Variants in HSD17B12 observed in about 807,000 individuals in gnomAD.
HSD17B12 encodes the protein hydroxysteroid 17-beta dehydrogenase 12, also known as very-long-chain 3-oxoacyl-CoA reductase.
In HSD17B12, 32 loss-of-function variants were observed where a neutral mutation model predicts 39.3. That is an observed-to-expected ratio of 0.81 (90% CI 0.61 to 1.09). The LOEUF (loss-of-function observed/expected upper bound fraction) is 1.09, where lower values mean the gene tolerates loss of function less well. Ranked by LOEUF, HSD17B12 falls within the 50% of genes least tolerant of loss-of-function variation. HSD17B12 has a pLI of 0.00. For synonymous variants in HSD17B12, 150 were observed against 146.7 expected (o/e 1.02, Z -0.16); for missense variants, 342 against 382.9 (o/e 0.89, Z 0.89).
chr11:43,598,406 T>A, the HSD17B12 span, among the ~76,000 whole-genome samples: 1 of 151,524 alleles, frequency 6.6e-6, no homozygotes, highest in Non-Finnish European at 1.5e-5. Context: ...AGCTGGGGTA[T>A]TTTTTTTTCC....
At chr11:43,653,556 C>T in the HSD17B12 span, among the ~76,000 whole-genome samples, 1 of 152,076 alleles carries the variant, frequency 6.6e-6, no homozygotes, top group Non-Finnish European at 1.5e-5. Flanking sequence ...TCCCCCTCCC[C>T]CACCTCACAA....
chr11:43,735,795 C>T (rs1950311029), intron 1 of HSD17B12, among the ~76,000 whole-genome samples: 1 of 152,102 alleles, frequency 6.6e-6, no homozygotes, highest in East Asian at 1.9e-4. Context: ...TTCTGCATGG[C>T]TGGGGAGGCC....
At chr11:43,817,613 C>G (rs1486419378) in intron 6 of HSD17B12, among the ~76,000 whole-genome samples, 1 of 152,100 alleles carries the variant, frequency 6.6e-6, no homozygotes, top group Non-Finnish European at 1.5e-5. Context: ...TGTCCTTTCT[C>G]CACTTTATGT....
chr11:43,815,112 A>G (rs1951109647), intron 4 of HSD17B12, among the ~76,000 whole-genome samples: 1 of 152,216 alleles, frequency 6.6e-6, no homozygotes, highest in Non-Finnish European at 1.5e-5. Flanking sequence ...GGTCTGGAGA[A>G]GAGTTAAGTA....
At chr11:43,853,317 C>T (rs974565114) in intron 9 of HSD17B12, 2 of 124,890 alleles carry the variant, frequency 1.6e-5, no homozygotes, top group Non-Finnish European at 3.2e-5. Context: ...AGCTTGGGGA[C>T]TCTCGCTGAG....
chr11:43,570,631 C>T, the HSD17B12 span, among the ~76,000 whole-genome samples: 3 of 152,134 alleles, frequency 2.0e-5, no homozygotes, highest in Admixed American at 2.0e-4. Flanking sequence ...GGGATCCTAG[C>T]CCAGACATAG....
At chr11:43,750,189 A>T (rs1950451974) in intron 1 of HSD17B12, among the ~76,000 whole-genome samples, 1 of 151,898 alleles carries the variant, frequency 6.6e-6, no homozygotes, top group Admixed American at 6.6e-5. Context: ...AAGATACAGA[A>T]TATTTCCTGT....
At chr11:43,730,711 C>G (rs991914216) in intron 1 of HSD17B12, among the ~76,000 whole-genome samples, 19 of 152,126 alleles carry the variant, frequency 1.2e-4, no homozygotes, top group African/African-American at 3.9e-4. Flanking sequence ...CTTGATTTCT[C>G]CTAGGTGTAA....
chr11:43,653,493 T>A, the HSD17B12 span, among the ~76,000 whole-genome samples: 1 of 152,178 alleles, frequency 6.6e-6, no homozygotes, highest in East Asian at 1.9e-4. Flanking sequence ...GTTGGTGTGC[T>A]GCACCCATTA....
At chr11:43,644,307 C>T in the HSD17B12 span, 59,239 of 151,726 alleles carry the variant, frequency 0.39, 12,924 homozygotes, top group East Asian at 0.73. Flanking sequence ...GTTTGGGGGG[C>T]TGTCGGTCCC....
At chr11:43,718,052 G>A (rs572563383) in intron 1 of HSD17B12, among the ~76,000 whole-genome samples, 9 of 152,074 alleles carry the variant, frequency 5.9e-5, no homozygotes, top group South Asian at 4.2e-4. Context: ...CAATCCACCC[G>A]CCTTGGCCTC....
Position 43,754,129 on chromosome 11 carries a change from C to T in HSD17B12, c.283+8C>T. ...AGGTTTCCAGTGAAATAAGTAAGTTCTCACATCAAACAAAAGGAATACATA... is the reference window on the plus strand; with the variant it reads ...AGGTTTCCAGTGAAATAAGTAAGTTTTCACATCAAACAAAAGGAATACATA... On this transcript the variant is annotated splice_region_variant and intron_variant, in intron 3 of 10. Transcript: ENST00000278353. 1.3e-6 allele frequency: 2 copies of T among 1,587,602 alleles called. No homozygotes were observed. The highest frequency in any genetic ancestry group is 1.1e-5 in the South Asian group (1 of 89,870).
At chr11:43,680,266 G>T (rs1642214472), upstream of HSD17B12, among the ~76,000 whole-genome samples, 1 of 152,054 alleles carries the variant, frequency 6.6e-6, no homozygotes, top group Non-Finnish European at 1.5e-5. Flanking sequence ...TAGAGACGGG[G>T]TTCGGATGTT....
At position 43,856,087 on chromosome 11, in the gene HSD17B12, C is replaced by A. The variant is rs1325746163; in HGVS notation, c.*839C>A. 1 of 152,142 alleles carries A rather than the reference C, an allele frequency of 6.6e-6. No homozygotes were observed. Among genetic ancestry groups the A allele is most frequent in the Admixed American group, 6.6e-5 (1 of 15,230 alleles). The allele number at this position is 152,142 out of a possible 1,614,324, so 9.4% of individuals were successfully genotyped here. ...GATCACACATATGACACAGGCTAGTCCTATAAAAGTAATGACTTCATAGAA... is the reference window on the plus strand; with the variant it reads ...GATCACACATATGACACAGGCTAGTACTATAAAAGTAATGACTTCATAGAA... On this transcript the variant is annotated 3_prime_UTR_variant, in exon 11 of 11. Transcript: ENST00000278353.
chr11:43,637,440 C>T, the HSD17B12 span, among the ~76,000 whole-genome samples: 3 of 152,128 alleles, frequency 2.0e-5, no homozygotes, highest in Admixed American at 2.0e-4. Context: ...AGGCTGGTCT[C>T]GAACTCCTGA....
At chr11:43,686,802 A>C (rs977099256) in intron 1 of HSD17B12, among the ~76,000 whole-genome samples, 8 of 152,154 alleles carry the variant, frequency 5.3e-5, no homozygotes, top group African/African-American at 9.7e-5. Flanking sequence ...TTATTATTAT[A>C]GTATTATTAG....
In HSD17B12 at chr11:43,854,831, C is replaced by T; in HGVS notation, c.801C>T (p.Ser267=). Residue 267 remains serine, a synonymous_variant, in exon 10 of 11, where the codon TCC becomes TCT. Coordinates refer to ENST00000278353, the MANE Select transcript of HSD17B12 (RefSeq NM_016142.3). ...KSAIKTVGLQ[S]RTNGYLIHAL... ...CAATTAAAACAGTCGGCCTGCAATCCCGAACCAATGGATACCTGATCCATG... is the reference window on the plus strand; with the variant it reads ...CAATTAAAACAGTCGGCCTGCAATCTCGAACCAATGGATACCTGATCCATG... 1 of 1,614,162 alleles carries T rather than the reference C, an allele frequency of 6.2e-7. No homozygotes were observed. The highest frequency in any genetic ancestry group is 8.5e-7 in the Non-Finnish European group (1 of 1,180,022).
At chr11:43,572,821 C>T in the HSD17B12 span, among the ~76,000 whole-genome samples, 2 of 152,186 alleles carry the variant, frequency 1.3e-5, no homozygotes, top group African/African-American at 2.4e-5. Context: ...AATAGTTCTG[C>T]TCCCTGATGA....
At chr11:43,792,640 G>A (rs549769464) in intron 3 of HSD17B12, among the ~76,000 whole-genome samples, 6 of 149,880 alleles carry the variant, frequency 4.0e-5, no homozygotes, top group Admixed American at 1.3e-4. Flanking sequence ...GTCCAGACCC[G>A]TGTATGACAG....
Sources: gnomAD v4.1 joint callset for allele counts (sites outside exome capture counted in the v4.1 genomes callset) on GRCh38, gnomAD v4.1.1 for gene constraint, MANE v1.5 for transcripts, NCBI Gene and HGNC (gene_info 2026-07-23, HGNC 2026-07-21) for gene names.